Variants in RAPGEF5 observed in about 807,000 individuals in gnomAD.
RAPGEF5 encodes M-Ras-regulated GEF.
A neutral mutation model predicts 125.2 loss-of-function variants in RAPGEF5; 65 were observed. The ratio of observed to expected loss-of-function variants is 0.52; its 90% CI spans 0.43 to 0.64. RAPGEF5 has a LOEUF of 0.64. RAPGEF5 is among the 30% of genes least tolerant of loss of function. The probability of loss-of-function intolerance (pLI) is 0.00; values close to 1 mark genes in which losing one functional copy is unlikely to be tolerated. For missense variants in RAPGEF5, 958 were observed against 1,048.1 expected, an observed-to-expected ratio of 0.91 and a Z score of 1.19; for synonymous variants, 391 against 385.9, an observed-to-expected ratio of 1.01 and a Z score of -0.16.
At chr7:22,273,747 G>A (rs1334449047) in intron 6 of RAPGEF5, among the ~76,000 whole-genome samples, 1 of 152,162 alleles carries the variant, frequency 6.6e-6, no homozygotes, top group Non-Finnish European at 1.5e-5. Context: ...TCTGATAGTT[G>A]AGTACAAGCA....
In RAPGEF5 at chr7:22,154,375, T is replaced by C. The variant is rs145832330; in HGVS notation, c.1786+80A>G. The C allele has an allele frequency of 3.8e-4, 573 of 1,509,638 alleles. 5 individuals are homozygous for C. In the East Asian group the frequency reaches 0.011, roughly 30 times the overall value. The allele number at this position is 1,509,638 out of a possible 1,614,324, so 93.5% of individuals were successfully genotyped here. On this transcript the variant is annotated intron_variant, in intron 17 of 25. Coordinates refer to ENST00000665637, the MANE Select transcript of RAPGEF5 (RefSeq NM_012294.5). ...GGCCCAGAAGGGAGGAGCTGCACTTTTACTCTACAAAAATGTCACCTCCCT... is the reference window on the plus strand; with the variant it reads ...GGCCCAGAAGGGAGGAGCTGCACTTCTACTCTACAAAAATGTCACCTCCCT...
chr7:22,125,317 T>G, intron 25 of RAPGEF5: 2 of 316,618 alleles, frequency 6.3e-6, no homozygotes, highest in East Asian at 7.1e-5. Flanking sequence ...GGGACAGGAG[T>G]CAGCGGGAGT....
At chr7:22,315,506 T>C (rs958812288) in intron 2 of RAPGEF5, 30 bp from the exon 3 acceptor site, 84 of 1,377,218 alleles carry the variant, frequency 6.1e-5, no homozygotes, top group African/African-American at 1.4e-4. Flanking sequence ...ACTGTAAATA[T>C]AGAACAATAA....
At chr7:22,264,262 A>T (rs1400083979) in intron 7 of RAPGEF5, among the ~76,000 whole-genome samples, 1 of 152,210 alleles carries the variant, frequency 6.6e-6, no homozygotes, top group Admixed American at 6.5e-5. Flanking sequence ...ACTGGAATAT[A>T]CTGAACAACT....
intron 18 of RAPGEF5, among the ~76,000 whole-genome samples, chr7:22,149,203 T>A (rs1255272773): frequency 1.3e-5 from 2 of 152,246 alleles, no homozygotes; most frequent in Non-Finnish European, 2.9e-5. Context: ...ACAGATCTGG[T>A]AATAAGTGAT....
At chr7:22,241,523 T>G (rs1786330722) in intron 7 of RAPGEF5, among the ~76,000 whole-genome samples, 1 of 152,170 alleles carries the variant, frequency 6.6e-6, no homozygotes, top group Non-Finnish European at 1.5e-5. Context: ...TAGGGAAAAA[T>G]AAAGCATTAT....
intron 5 of RAPGEF5, among the ~76,000 whole-genome samples, chr7:22,301,143 G>A (rs1237675503): frequency 1.3e-5 from 2 of 152,112 alleles, no homozygotes; most frequent in Admixed American, 6.5e-5. Context: ...TTATCTAGAG[G>A]TTTCAGCTGT....
intron 3 of RAPGEF5, among the ~76,000 whole-genome samples, chr7:22,314,012 C>T (rs1783534805): frequency 6.6e-6 from 1 of 152,204 alleles, no homozygotes; most frequent in African/African-American, 2.4e-5. Flanking sequence ...TGAGTCCATA[C>T]ACACAAAGGC....
chr7:22,354,882 A>G (rs1784393364), intron 1 of RAPGEF5, among the ~76,000 whole-genome samples: 1 of 152,214 alleles, frequency 6.6e-6, no homozygotes, highest in Admixed American at 6.5e-5. Context: ...TAAACCACCC[A>G]GTCTACGGTA....
At chr7:22,181,977 C>G (rs932417855) in intron 11 of RAPGEF5, among the ~76,000 whole-genome samples, 3 of 152,096 alleles carry the variant, frequency 2.0e-5, no homozygotes, top group Non-Finnish European at 4.4e-5. Flanking sequence ...GACATTACAC[C>G]CTTTCAATGA....
intron 7 of RAPGEF5, among the ~76,000 whole-genome samples, chr7:22,256,275 AAAATTCCCTTTT>A (rs1786758307): frequency 6.6e-6 from 1 of 152,226 alleles, no homozygotes; most frequent in African/African-American, 2.4e-5. Flanking sequence ...CTTGAGGCAA[AAAATTCCCTTTT>A]TGGTTTTCAG....
At chr7:22,217,242 T>C (rs562338665) in intron 9 of RAPGEF5, among the ~76,000 whole-genome samples, 1 of 152,370 alleles carries the variant, frequency 6.6e-6, no homozygotes, top group South Asian at 2.1e-4. Flanking sequence ...TTGGTCATTA[T>C]TGTTATAACA....
Position 22,356,870 on chromosome 7 carries a change from C to T in RAPGEF5, c.191G>A (p.Gly64Glu), listed in dbSNP as rs2128391025. Residue 64 changes from glycine (G) to glutamate (E), a missense_variant, in exon 1 of 26, where the codon GGG (glycine) becomes GAG (glutamate). Physicochemically the swap from Gly to Glu is moderately conservative, Grantham distance 98 (BLOSUM62 -2). Transcript: ENST00000665637. Reference protein sequence around the residue: ...LRDLPALLRSGLTLRRKRSAA... With the variant: ...LRDLPALLRSELTLRRKRSAA... ...GCTCCGCTTCCTCCGCAGCGTGAGC[C>T]CGCTCCGCAGCAGCGCGGGCAGGTC... is the stretch of plus-strand genomic sequence containing the variant. 1 of 1,162,024 alleles carries T rather than the reference C, an allele frequency of 8.6e-7. No homozygotes were observed. The highest frequency in any genetic ancestry group is 3.9e-5 in the East Asian group (1 of 25,562). The allele number at this position is 1,162,024 out of a possible 1,614,324, so 72.0% of individuals were successfully genotyped here. A position where few individuals can be genotyped will look rare whatever the true frequency, so the allele number is the denominator to read the frequency against.
intron 9 of RAPGEF5, among the ~76,000 whole-genome samples, chr7:22,218,958 T>C (rs1785709517): frequency 6.6e-6 from 1 of 152,136 alleles, no homozygotes; most frequent in Non-Finnish European, 1.5e-5. Context: ...TTACCTCCTC[T>C]CCTTCTCAGT....
At chr7:22,164,691 C>A (rs1252726147) in intron 12 of RAPGEF5, among the ~76,000 whole-genome samples, 1 of 152,060 alleles carries the variant, frequency 6.6e-6, no homozygotes, top group African/African-American at 2.4e-5. Flanking sequence ...CATTCTTTTA[C>A]ATTTTGTCTA....
At chr7:22,349,670 A>T (rs1282777134) in intron 1 of RAPGEF5, among the ~76,000 whole-genome samples, 2 of 152,236 alleles carry the variant, frequency 1.3e-5, no homozygotes, top group Non-Finnish European at 2.9e-5. Flanking sequence ...GAGTGGAAAG[A>T]GAATGAGTTG....
At chr7:22,143,535 T>C (rs1783331842) in intron 20 of RAPGEF5, among the ~76,000 whole-genome samples, 1 of 152,202 alleles carries the variant, frequency 6.6e-6, no homozygotes, top group Non-Finnish European at 1.5e-5. Context: ...CTCCCACAAC[T>C]TCCTTACAAA....
chr7:22,266,890 C>T, intron 7 of RAPGEF5, 74 bp downstream of exon 7: 1 of 1,431,762 alleles, frequency 7.0e-7, no homozygotes, highest in Non-Finnish European at 9.8e-7. Context: ...CACTCAACTG[C>T]ACACTACCAG....
chr7:22,236,406 G>A (rs962360999), intron 7 of RAPGEF5, among the ~76,000 whole-genome samples: 2 of 152,150 alleles, frequency 1.3e-5, no homozygotes, highest in Non-Finnish European at 2.9e-5. Context: ...TGCTGTGATA[G>A]GTGTAGTGGC....
Sources: gnomAD v4.1 joint callset for allele counts (sites outside exome capture counted in the v4.1 genomes callset) on GRCh38, gnomAD v4.1.1 for gene constraint, MANE v1.5 for transcripts, NCBI Gene and HGNC (gene_info 2026-07-23, HGNC 2026-07-21) for gene names.